ANO5: variants seen among roughly 807,000 people sequenced by gnomAD.
The protein encoded by ANO5 is anoctamin-5.
In ANO5, 109 loss-of-function variants were observed where a neutral mutation model predicts 121.0. The observed-to-expected ratio is 0.90, with a 90% CI of 0.77 to 1.06. ANO5 has a LOEUF of 1.06. Ranked by LOEUF, ANO5 falls within the 50% of genes least tolerant of loss-of-function variation. The pLI, the probability that ANO5 is intolerant of heterozygous loss-of-function variation, is 0.00. For missense variants in ANO5, 1,064 were observed against 1,078.5 expected (o/e 0.99, Z 0.19); for synonymous variants, 406 against 359.9 (o/e 1.13, Z -1.45).
intron 4 of ANO5, among the ~76,000 whole-genome samples, chr11:22,219,980 G>C (rs549334202): frequency 6.7e-6 from 1 of 149,026 alleles, no homozygotes; most frequent in East Asian, 2.0e-4. Flanking sequence ...AGACACATCA[G>C]CTTTGCATCA....
intron 5 of ANO5, among the ~76,000 whole-genome samples, chr11:22,225,589 A>G (rs1463560170): frequency 6.6e-6 from 1 of 152,188 alleles, no homozygotes; most frequent in African/African-American, 2.4e-5. Flanking sequence ...AAAAGTCTTG[A>G]TGACATACTG....
intron 9 of ANO5, among the ~76,000 whole-genome samples, chr11:22,247,345 A>G (rs979583786): frequency 6.6e-6 from 1 of 152,154 alleles, no homozygotes; most frequent in Non-Finnish European, 1.5e-5. Context: ...TGAAGGAAGA[A>G]AAGGATATTG....
intron 12 of ANO5, among the ~76,000 whole-genome samples, chr11:22,252,029 C>CAAAAAAAAAAAAAAAAAAAAAAAAAAAA (rs10525160): frequency 1.1e-4 from 5 of 45,818 alleles, no homozygotes; most frequent in African/African-American, 2.7e-4. Flanking sequence ...GACGCCGTCT[C>CAAAAAAAAAAAAAAAAAAAAAAAAAAAA]AAAAAAAAAA....
At chr11:22,223,436 G>T (rs915617186) in intron 5 of ANO5, among the ~76,000 whole-genome samples, 16 of 152,084 alleles carry the variant, frequency 1.1e-4, no homozygotes, top group Admixed American at 8.5e-4. Context: ...AGTGCCCTAG[G>T]TTTTTATTAG....
At chr11:22,214,659 C>T (rs1234056524) in intron 3 of ANO5, among the ~76,000 whole-genome samples, 1 of 151,918 alleles carries the variant, frequency 6.6e-6, no homozygotes, top group Non-Finnish European at 1.5e-5. Context: ...GGGACACAAT[C>T]TTCCTGAATT....
intron 18 of ANO5, among the ~76,000 whole-genome samples, chr11:22,271,035 TTC>T (rs1197827538): frequency 6.6e-6 from 1 of 151,060 alleles, no homozygotes; most frequent in African/African-American, 2.4e-5. Context: ...TCAAGCAACT[TTC>T]TCTGTTTCTC....
At chr11:22,209,654 G>C (rs947168123) in intron 2 of ANO5, among the ~76,000 whole-genome samples, 1 of 151,794 alleles carries the variant, frequency 6.6e-6, no homozygotes, top group South Asian at 2.1e-4. Flanking sequence ...AAGGATTCTC[G>C]TTTTGCCTAA....
At chr11:22,244,231 T>A (rs1342465344) in intron 9 of ANO5, among the ~76,000 whole-genome samples, 1 of 152,094 alleles carries the variant, frequency 6.6e-6, no homozygotes, top group Non-Finnish European at 1.5e-5. Flanking sequence ...ACAAATAGGC[T>A]TCCAATCTCT....
In ANO5 at chr11:22,274,733, C is replaced by T. The variant is rs766977391; in HGVS notation, c.2400C>T (p.Asp800=). The T allele has an allele frequency of 2.5e-6, 4 of 1,613,298 alleles. No individual in the cohort carries two copies. The African/African-American group carries it at 4.0e-5, about 16-fold the overall frequency. Reference sequence around the variant, plus strand: ...ACACTGCACCTTCGGAAAAACGAGACTTCATCACTTGCAGGTGATTTGTTT... The same window carrying T: ...ACACTGCACCTTCGGAAAAACGAGATTTCATCACTTGCAGGTGATTTGTTT... ...PNHTAPSEKR[D]FITCRYRDYR... is the part of the protein sequence containing the mutation. Residue 800 remains aspartate, a synonymous_variant, in exon 20 of 22, where the codon GAC becomes GAT. Transcript: ENST00000324559.
At chr11:22,243,083 C>T (rs1186103642) in intron 9 of ANO5, among the ~76,000 whole-genome samples, 2 of 151,880 alleles carry the variant, frequency 1.3e-5, no homozygotes, top group Non-Finnish European at 2.9e-5. Context: ...CATTCAATAC[C>T]AAGACTATTG....
At chr11:22,218,140 C>CACACACACACACACACACAA in intron 3 of ANO5, 106 bp from the exon 4 acceptor site, 1 of 1,245,370 alleles carries the variant, frequency 8.0e-7, no homozygotes, top group Non-Finnish European at 1.2e-6. Context: ...CACACACACA[C>CACACACACACACACACACAA]TTATAAAATG....
At chr11:22,207,114 G>A (rs2133535280) in intron 2 of ANO5, among the ~76,000 whole-genome samples, 1 of 151,968 alleles carries the variant, frequency 6.6e-6, no homozygotes, top group African/African-American at 2.4e-5. Context: ...TCTATATACT[G>A]GTAATGAGAA....
At chr11:22,251,554 G>A (rs1240821884) in intron 12 of ANO5, among the ~76,000 whole-genome samples, 3 of 152,170 alleles carry the variant, frequency 2.0e-5, no homozygotes. Flanking sequence ...AAGTTAAAGT[G>A]TCATGAAGTT....
rs1024930487 is a variant in ANO5 at position 22,281,492 on chromosome 11, A to C, written c.*1727A>C. ...GATCTCATTATTGAAAGATGATTTC[A>C]TATGTAGAGAAGATAATATTTCTTT... is the stretch of plus-strand genomic sequence containing the variant. On this transcript the variant is annotated 3_prime_UTR_variant, in exon 22 of 22. Transcript: ENST00000324559. 3 of 147,952 alleles carry C rather than the reference A, an allele frequency of 2.0e-5. No individual in the cohort carries two copies. The highest frequency in any genetic ancestry group is 4.5e-5 in the Non-Finnish European group (3 of 66,466). 9.2% of individuals were successfully genotyped at this position (147,952 alleles called of 1,614,324 possible). A position where few individuals can be genotyped will look rare whatever the true frequency, so the allele number is the denominator to read the frequency against.
intron 21 of ANO5, among the ~76,000 whole-genome samples, chr11:22,279,328 A>G (rs1039806748): frequency 6.6e-6 from 1 of 151,832 alleles, no homozygotes; most frequent in Non-Finnish European, 1.5e-5. Flanking sequence ...ATCATGTTCA[A>G]CTGGAATATT....
intron 3 of ANO5, among the ~76,000 whole-genome samples, chr11:22,217,148 A>G (rs961453991): frequency 2.6e-5 from 4 of 152,012 alleles, no homozygotes; most frequent in Non-Finnish European, 5.9e-5. Flanking sequence ...TTTCCCTCCA[A>G]TAGTCACCAG....
chr11:22,246,713 G>C (rs1390707679), intron 9 of ANO5, among the ~76,000 whole-genome samples: 1 of 151,488 alleles, frequency 6.6e-6, no homozygotes, highest in African/African-American at 2.4e-5. Context: ...AATTACCCCA[G>C]CGTGGTGGCG....
chr11:22,239,714 TA>T (rs1405951018), intron 9 of ANO5, 30 bp downstream of exon 9: 1 of 1,481,310 alleles, frequency 6.8e-7, no homozygotes, highest in East Asian at 2.3e-5. Context: ...TCAGACCAAT[TA>T]AAACTTGATA....
At chr11:22,192,517 T>C (rs924688256), upstream of ANO5, among the ~76,000 whole-genome samples, 1 of 152,056 alleles carries the variant, frequency 6.6e-6, no homozygotes, top group African/African-American at 2.4e-5. Flanking sequence ...TGCTGGCACC[T>C]TGGAGTCTCG....
Sources: gnomAD v4.1 joint callset for allele counts (sites outside exome capture counted in the v4.1 genomes callset) on GRCh38, gnomAD v4.1.1 for gene constraint, MANE v1.5 for transcripts, NCBI Gene and HGNC (gene_info 2026-07-23, HGNC 2026-07-21) for gene names.